Variants in TBC1D1 observed in about 807,000 individuals in gnomAD.
TBC1D1 encodes the protein TBC1 (tre-2/USP6, BUB2, cdc16) domain family, member 1.
A neutral mutation model predicts 125.6 loss-of-function variants in TBC1D1; 89 were observed. The ratio of observed to expected loss-of-function variants is 0.71; its 90% confidence interval spans 0.60 to 0.85. The LOEUF (loss-of-function observed/expected upper bound fraction) is 0.85. Among genes scored for constraint, TBC1D1 ranks in the 40% least tolerant of loss-of-function variants. The probability of loss-of-function intolerance (pLI) is 0.00; values close to 1 mark genes in which losing one functional copy is unlikely to be tolerated. For synonymous variants in TBC1D1, 565 were observed against 564.1 expected (o/e 1.00, Z -0.02); for missense variants, 1,377 against 1,469.2 (o/e 0.94, Z 1.03).
chr4:37,948,942 A>G (rs1322574351), intron 2 of TBC1D1, among the ~76,000 whole-genome samples: 1 of 152,234 alleles, frequency 6.6e-6, no homozygotes, highest in Non-Finnish European at 1.5e-5. Context: ...TGTAGCATAT[A>G]TCAGTAACTC....
intron 19 of TBC1D1, 148 bp from the exon 22 acceptor site, chr4:38,136,987 G>T (rs976511726): frequency 7.5e-7 from 1 of 1,327,892 alleles, no homozygotes; most frequent in African/African-American, 1.5e-5. Context: ...TTGCCTTCCT[G>T]TGTGGCCAGA....
In TBC1D1 at chr4:38,014,950, G is replaced by C; in HGVS notation, c.859G>C (p.Glu287Gln). Residue 287 changes from glutamate (E) to glutamine (Q), a missense_variant, in exon 3 of 20, where the codon GAA becomes CAA. Transcript: ENST00000261439. The surrounding 1 kb of genome is among the most constrained non-coding windows in gnomAD (Gnocchi z 5.1). Reference sequence around the variant, plus strand: ...TATTGTGCAGCCCACAGATATCGAGGAAAATCGAACTATGCTCTTCACGGT... The same window carrying C: ...TATTGTGCAGCCCACAGATATCGAGCAAAATCGAACTATGCTCTTCACGGT... 6.4e-7 allele frequency: 1 copy of C among 1,550,644 alleles called. No homozygotes were observed. Among genetic ancestry groups the C allele is most frequent in the Non-Finnish European group, 8.7e-7 (1 of 1,144,742 alleles).
At chr4:38,116,979 G>A (rs1294809459) in intron 16 of TBC1D1, among the ~76,000 whole-genome samples, 1 of 152,216 alleles carries the variant, frequency 6.6e-6, no homozygotes, top group Non-Finnish European at 1.5e-5. Context: ...TTCACTGAAA[G>A]ATTTTGACCA....
intron 2 of TBC1D1, among the ~76,000 whole-genome samples, chr4:37,907,095 A>T (rs745441763): frequency 9.2e-5 from 14 of 152,340 alleles, no homozygotes; most frequent in Middle Eastern, 3.4e-3. Flanking sequence ...AATCTCCTTA[A>T]TGTCTGAATT....
chr4:38,066,881 T>C (rs1753822787), intron 12 of TBC1D1, among the ~76,000 whole-genome samples: 1 of 152,226 alleles, frequency 6.6e-6, no homozygotes, highest in South Asian at 2.1e-4. Flanking sequence ...AACAAGATTT[T>C]TTTTTTCTTT....
chr4:37,968,934 A>G (rs1013478987), intron 2 of TBC1D1, among the ~76,000 whole-genome samples: 1 of 152,192 alleles, frequency 6.6e-6, no homozygotes, highest in Non-Finnish European at 1.5e-5. Flanking sequence ...CCCAGCTAGT[A>G]TGATAGGAAT....
intron 2 of TBC1D1, among the ~76,000 whole-genome samples, chr4:37,957,194 G>C (rs11947030): frequency 6.6e-6 from 1 of 151,996 alleles, no homozygotes; most frequent in African/African-American, 2.4e-5. Context: ...TGTGGCAGAC[G>C]TATCTCTTCC....
intron 12 of TBC1D1, among the ~76,000 whole-genome samples, chr4:38,057,122 A>C (rs962104598): frequency 6.6e-6 from 1 of 151,938 alleles, no homozygotes; most frequent in Non-Finnish European, 1.5e-5. Flanking sequence ...CCACCACCCA[A>C]TCTCCTGCAG....
intron 12 of TBC1D1, among the ~76,000 whole-genome samples, chr4:38,068,616 T>C (rs1754152496): frequency 6.6e-6 from 1 of 152,188 alleles, no homozygotes; most frequent in Admixed American, 6.5e-5. Flanking sequence ...TGCTATCCTG[T>C]ACAGTAACCA....
chr4:37,973,206 A>G (rs972476902), intron 2 of TBC1D1, among the ~76,000 whole-genome samples: 2 of 152,188 alleles, frequency 1.3e-5, no homozygotes, highest in African/African-American at 4.8e-5. Context: ...GATCAGAGAA[A>G]GACCCCTGTG....
In TBC1D1 at chr4:38,014,555, G is replaced by T. The variant is rs374116224; in HGVS notation, c.464G>T (p.Arg155Leu). ...ATCCGTCAGGCGGGGAAGATCGCCC[G>T]GCAGGAGGAGCTGCACTGCCCGTCC... Residue 155 changes from arginine to leucine, a missense_variant, in exon 3 of 20, where the codon CGG (arginine) becomes CTG (leucine). Around this residue, in one of 3 missense-constraint regions of TBC1D1, gnomAD observed 822 missense variants for 824.6 expected, o/e 1.00. Transcript: ENST00000261439. This position sits in a 1 kb window ranked among gnomAD's most constrained non-coding sequence, Gnocchi z 5.1. 2.5e-6 allele frequency: 4 copies of T among 1,613,168 alleles called. No homozygotes were observed. The highest frequency in any genetic ancestry group is 2.5e-6 in the Non-Finnish European group (3 of 1,180,018).
intron 17 of TBC1D1, chr4:38,120,216 C>T (rs933398118): frequency 1.5e-6 from 1 of 687,644 alleles, no homozygotes; most frequent in Admixed American, 6.3e-5. Context: ...CCCACAGACT[C>T]CTGCTGTGCT....
intron 13 of TBC1D1, among the ~76,000 whole-genome samples, chr4:38,092,498 A>G (rs1272971249): frequency 1.3e-5 from 2 of 152,240 alleles, no homozygotes; most frequent in East Asian, 3.9e-4. Context: ...TGGGAGGCTG[A>G]GACAGGGAGA....
chr4:38,019,073 A>C (rs1217380719), intron 4 of TBC1D1, among the ~76,000 whole-genome samples: 1 of 152,086 alleles, frequency 6.6e-6, no homozygotes, highest in Admixed American at 6.5e-5. Flanking sequence ...CAGGTGTTTC[A>C]TAGAGGGATT....
At chr4:38,016,351 G>C (rs1455015408) in intron 3 of TBC1D1, among the ~76,000 whole-genome samples, 1 of 152,226 alleles carries the variant, frequency 6.6e-6, no homozygotes, top group African/African-American at 2.4e-5. Flanking sequence ...GGCAGGGATG[G>C]TGCCTGGTGC....
chr4:38,017,518 G>C (rs1743014348), intron 3 of TBC1D1, among the ~76,000 whole-genome samples: 1 of 152,158 alleles, frequency 6.6e-6, no homozygotes, highest in Non-Finnish European at 1.5e-5. Context: ...CGTTTCTTGG[G>C]CCCCCTCATT....
intron 2 of TBC1D1, among the ~76,000 whole-genome samples, chr4:37,971,645 A>G (rs1008624921): frequency 2.0e-5 from 3 of 152,166 alleles, no homozygotes; most frequent in Admixed American, 1.3e-4. Flanking sequence ...CTGCAGTCCT[A>G]TTTGGATAGC....
chr4:38,091,493 A>G (rs1467103956), intron 13 of TBC1D1, among the ~76,000 whole-genome samples: 6 of 152,262 alleles, frequency 3.9e-5, no homozygotes, highest in African/African-American at 1.4e-4. Flanking sequence ...GTTAAATGAC[A>G]GCTCGGGAGC....
At chr4:37,950,501 A>AT (rs1727608473) in intron 2 of TBC1D1, among the ~76,000 whole-genome samples, 1 of 125,304 alleles carries the variant, frequency 8.0e-6, no homozygotes, top group Non-Finnish European at 1.8e-5. Flanking sequence ...TTAAGACTTC[A>AT]TTTTTTTAGA....
Sources: allele counts gnomAD v4.1 joint callset (sites outside exome capture counted in the v4.1 genomes callset), GRCh38; gene constraint gnomAD v4.1.1; regional missense constraint gnomAD v4.1.1; non-coding constraint Gnocchi (gnomAD v3.1); transcripts MANE v1.5; gene names NCBI Gene and HGNC (gene_info 2026-07-23, HGNC 2026-07-21).